Variants in LRMDA observed in about 807,000 individuals in gnomAD.
LRMDA encodes leucine rich melanocyte differentiation associated, also known as leucine-rich melanocyte differentiation-associated protein.
Under a neutral mutation model 29.8 loss-of-function variants are expected in LRMDA, and 18 were observed. The observed-to-expected ratio is 0.60, with a 90% CI of 0.42 to 0.90. LRMDA has a LOEUF of 0.90. Among genes scored for constraint, LRMDA ranks in the 40% least tolerant of loss-of-function variants. The pLI, the probability that LRMDA is intolerant of heterozygous loss-of-function variation, is 0.00. For synonymous variants in LRMDA, 125 were observed against 109.4 expected, an observed-to-expected ratio of 1.14 and a Z score of -0.89; for missense variants, 273 against 273.9, an observed-to-expected ratio of 1.00 and a Z score of 0.02.
At chr10:76,177,424 C>T (rs1422253008) in intron 5 of LRMDA, among the ~76,000 whole-genome samples, 1 of 151,946 alleles carries the variant, frequency 6.6e-6, no homozygotes, top group African/African-American at 2.4e-5. Context: ...ACAAAAAAAC[C>T]TCTTCATTAT....
intron 2 of LRMDA, among the ~76,000 whole-genome samples, chr10:75,810,360 G>C (rs1030814341): frequency 2.0e-5 from 3 of 152,214 alleles, no homozygotes; most frequent in Non-Finnish European, 4.4e-5. Flanking sequence ...GGGCTGTTCG[G>C]AGGATGTCAG....
At chr10:76,494,062 T>C (rs1216769075) in intron 6 of LRMDA, among the ~76,000 whole-genome samples, 4 of 152,032 alleles carry the variant, frequency 2.6e-5, no homozygotes, top group African/African-American at 9.7e-5. Flanking sequence ...TCCCAGAAGA[T>C]TCTTTTGTAC....
intron 6 of LRMDA, among the ~76,000 whole-genome samples, chr10:76,407,655 C>T (rs769162279): frequency 2.0e-5 from 3 of 152,120 alleles, no homozygotes; most frequent in Non-Finnish European, 4.4e-5. Flanking sequence ...GAAATATGCA[C>T]AAGATTTCAT....
chr10:76,416,271 G>A (rs1842013436), intron 6 of LRMDA, among the ~76,000 whole-genome samples: 1 of 152,154 alleles, frequency 6.6e-6, no homozygotes, highest in African/African-American at 2.4e-5. Context: ...GAAATGGAGT[G>A]CCACCTGGAA....
intron 2 of LRMDA, among the ~76,000 whole-genome samples, chr10:76,007,033 C>CGTGTGTGTGTGT (rs1223969205): frequency 3.2e-5 from 1 of 31,672 alleles, no homozygotes; most frequent in East Asian, 5.9e-4. Flanking sequence ...TGTGTGTGTG[C>CGTGTGTGTGTGT]GCGTGTGTGT....
At chr10:76,066,095 AC>A (rs1459702081) in intron 5 of LRMDA, among the ~76,000 whole-genome samples, 1 of 151,966 alleles carries the variant, frequency 6.6e-6, no homozygotes, top group African/African-American at 2.4e-5. Context: ...CCATCCACAC[AC>A]CCTACCTCTG....
At chr10:75,556,506 G>A (rs1046607160) in intron 2 of LRMDA, among the ~76,000 whole-genome samples, 1 of 152,212 alleles carries the variant, frequency 6.6e-6, no homozygotes, top group African/African-American at 2.4e-5. Context: ...AACAGGTAAA[G>A]GAGGTTCTTC....
At chr10:75,473,899 G>T (rs1332011028) in intron 2 of LRMDA, among the ~76,000 whole-genome samples, 1 of 152,132 alleles carries the variant, frequency 6.6e-6, no homozygotes, top group Non-Finnish European at 1.5e-5. Context: ...TCACCCAAGG[G>T]TTTGTTGGAA....
intron 2 of LRMDA, among the ~76,000 whole-genome samples, chr10:75,724,112 G>C (rs986177880): frequency 6.6e-6 from 1 of 152,050 alleles, no homozygotes; most frequent in Non-Finnish European, 1.5e-5. Context: ...TTCAGACTAG[G>C]GTACAGGACT....
chr10:76,284,247 C>T lies in LRMDA; in HGVS notation c.517-40154C>T, dbSNP rs74666992. Among the ~76,000 whole-genome samples the T allele has an allele frequency of 3.4e-3, 514 of 152,202 alleles. 26 individuals are homozygous for T. In the East Asian group the frequency reaches 0.077, roughly 23 times the overall value. On this transcript the variant is annotated intron_variant, in intron 5 of 6. Transcript: ENST00000611255. ...AATTGTGGAGGTTATTCTGCATTAT[C>T]CAGGTGGGCCTGAGGTAAGCACAAC...
At chr10:75,559,341 T>G (rs1421075533) in intron 2 of LRMDA, among the ~76,000 whole-genome samples, 1 of 151,048 alleles carries the variant, frequency 6.6e-6, no homozygotes, top group Non-Finnish European at 1.5e-5. Flanking sequence ...TTTTGAGAAG[T>G]GTCTGTTCAT....
intron 5 of LRMDA, among the ~76,000 whole-genome samples, chr10:76,281,575 C>T (rs762113808): frequency 6.6e-6 from 1 of 152,142 alleles, no homozygotes; most frequent in African/African-American, 2.4e-5. Flanking sequence ...TCCCCCAACC[C>T]CCCCATCATC....
intron 5 of LRMDA, among the ~76,000 whole-genome samples, chr10:76,084,100 G>A (rs1179501113): frequency 6.6e-6 from 1 of 152,204 alleles, no homozygotes; most frequent in Non-Finnish European, 1.5e-5. Context: ...ATTTGTTGGA[G>A]AAGAAGCCAT....
intron 5 of LRMDA, among the ~76,000 whole-genome samples, chr10:76,145,105 T>G (rs1191849334): frequency 6.6e-6 from 1 of 152,238 alleles, no homozygotes; most frequent in East Asian, 1.9e-4. Flanking sequence ...AGTATTTTAT[T>G]GAGAATTTTT....
chr10:76,434,435 A>T (rs760750188), intron 6 of LRMDA, among the ~76,000 whole-genome samples: 1 of 152,068 alleles, frequency 6.6e-6, no homozygotes, highest in Non-Finnish European at 1.5e-5. Context: ...AAAAATGCTG[A>T]AACATGATTG....
intron 2 of LRMDA, among the ~76,000 whole-genome samples, chr10:75,844,723 G>A (rs1015524631): frequency 9.2e-5 from 14 of 152,230 alleles, no homozygotes; most frequent in African/African-American, 2.4e-4. Context: ...ATGAGAGTAA[G>A]GGACTAGGTA....
intron 5 of LRMDA, among the ~76,000 whole-genome samples, chr10:76,126,716 G>T (rs1849890465): frequency 6.6e-6 from 1 of 152,142 alleles, no homozygotes; most frequent in East Asian, 1.9e-4. Flanking sequence ...CCAGCCTATT[G>T]CAGGGGTTGC....
intron 6 of LRMDA, among the ~76,000 whole-genome samples, chr10:76,534,641 G>C (rs1843272098): frequency 6.6e-6 from 1 of 152,168 alleles, no homozygotes; most frequent in Admixed American, 6.5e-5. Context: ...ATAGTTATAA[G>C]ATGGCTCATT....
intron 2 of LRMDA, among the ~76,000 whole-genome samples, chr10:75,807,523 T>A (rs1362383931): frequency 6.6e-6 from 1 of 152,230 alleles, no homozygotes; most frequent in Non-Finnish European, 1.5e-5. Flanking sequence ...CTCAAATGTG[T>A]GTAAAGGGAA....
Sources: gnomAD v4.1 joint callset for allele counts (sites outside exome capture counted in the v4.1 genomes callset) on GRCh38, gnomAD v4.1.1 for gene constraint, MANE v1.5 for transcripts, NCBI Gene and HGNC (gene_info 2026-07-23, HGNC 2026-07-21) for gene names.